Variants in NUP98 observed in about 807,000 individuals in gnomAD.
The protein encoded by NUP98 is nuclear pore complex protein Nup98-Nup96.
Under a neutral mutation model 191.9 loss-of-function variants are expected in NUP98, and 26 were observed. The ratio of observed to expected loss-of-function variants is 0.14; its 90% CI spans 0.10 to 0.19. NUP98 has a LOEUF of 0.19. Among genes scored for constraint, NUP98 ranks in the 10% least tolerant of loss-of-function variants. The pLI is 1.00. For missense variants in NUP98, 1,941 were observed against 2,178.8 expected (o/e 0.89, Z 2.17); for synonymous variants, 808 against 778.4 (o/e 1.04, Z -0.63).
In NUP98 at chr11:3,676,108, C is replaced by T. The variant is rs969937241; in HGVS notation, c.*51G>A. 6.4e-7 allele frequency: 1 copy of T among 1,555,158 alleles called. No homozygotes were observed. Among genetic ancestry groups the T allele is most frequent in the African/African-American group, 1.4e-5 (1 of 73,848 alleles). ...GTGCCAATCCAAACAAGGCAGGGAA[C>T]CTCTGTGTGGTGTGAATGGGCATGT... On this transcript the variant is annotated 3_prime_UTR_variant, in exon 33 of 33. Coordinates refer to ENST00000324932, the MANE Select transcript of NUP98 (RefSeq NM_016320.5).
intron 10 of NUP98, among the ~76,000 whole-genome samples, chr11:3,754,743 G>A (rs1366278727): frequency 6.6e-6 from 1 of 151,860 alleles, no homozygotes; most frequent in Non-Finnish European, 1.5e-5. Flanking sequence ...CAAGTTCAAC[G>A]CCAGTCTGGC....
At chr11:3,782,734 G>C (rs2133952750) in intron 1 of NUP98, among the ~76,000 whole-genome samples, 1 of 152,054 alleles carries the variant, frequency 6.6e-6, no homozygotes, top group African/African-American at 2.4e-5. Context: ...AGGAGAGACA[G>C]GGTTTCACCA....
At chr11:3,777,031 G>T (rs891974177) in intron 4 of NUP98, among the ~76,000 whole-genome samples, 1 of 152,036 alleles carries the variant, frequency 6.6e-6, no homozygotes, top group African/African-American at 2.4e-5. Flanking sequence ...TTCAAGAGTG[G>T]TCACAGTACA....
At chr11:3,676,843 GAA>G in intron 31 of NUP98, 6 of 634,056 alleles carry the variant, frequency 9.5e-6, no homozygotes, top group Non-Finnish European at 1.7e-5. Context: ...CTTGGACTAG[GAA>G]AAGTCTTGAG....
At chr11:3,709,164 T>C (rs775685298) in intron 20 of NUP98, among the ~76,000 whole-genome samples, 3 of 152,184 alleles carry the variant, frequency 2.0e-5, no homozygotes, top group Non-Finnish European at 4.4e-5. Context: ...TTTAAATAAT[T>C]CATACTGTCC....
rs145690654 is a variant in NUP98 at position 3,751,307 on chromosome 11, G to A, written c.1267+2009C>T. On this transcript the variant is annotated intron_variant, in intron 11 of 32. Coordinates refer to ENST00000324932, the MANE Select transcript of NUP98 (RefSeq NM_016320.5). ...CAGGAGGCGGAGGCTGCGGTGAGCC[G>A]AGATTGTGCCATTGCACTCCAGCCT... 1.2e-4 allele frequency among the ~76,000 whole-genome samples: 18 copies of A among 152,292 alleles called. No homozygotes were observed. In the East Asian group the frequency reaches 2.1e-3, roughly 18 times the overall value.
chr11:3,700,784 T>G lies in NUP98; in HGVS notation c.3568A>C (p.Lys1190Gln). The change falls in exon 24 of 33, where the codon AAG becomes CAG. Residue 1190 changes from lysine (K) to glutamine (Q), a missense_variant. Around this residue, in one of 6 missense-constraint regions of NUP98, gnomAD observed 1,030 missense variants for 1,115.8 expected, o/e 0.92. Coordinates refer to ENST00000324932, the MANE Select transcript of NUP98 (RefSeq NM_016320.5). ...HLEKLSLRQRKPDEDMKLYQT... is the reference protein window; with the variant it reads ...HLEKLSLRQRQPDEDMKLYQT... ...TATAATTTCATGTCTTCATCTGGCT[T>G]TCTTTGTCTCAAACTGAGTTTTTCT... is the stretch of plus-strand genomic sequence containing the variant. 1 of 1,614,184 alleles carries G rather than the reference T, an allele frequency of 6.2e-7. No individual in the cohort carries two copies. Among genetic ancestry groups the G allele is most frequent in the Non-Finnish European group, 8.5e-7 (1 of 1,180,022 alleles).
In NUP98 at chr11:3,679,613, A is replaced by G. The variant is rs1400980586; in HGVS notation, c.5014T>C (p.Ser1672Pro). The G allele has an allele frequency of 6.2e-7, 1 of 1,614,230 alleles. No homozygotes were observed. Among genetic ancestry groups the G allele is most frequent in the East Asian group, 2.2e-5 (1 of 44,890 alleles). The change falls in exon 31 of 33, where the codon TCT becomes CCT. Residue 1672 changes from serine (S) to proline (P), a missense_variant. Around this residue, in one of 6 missense-constraint regions of NUP98, gnomAD observed 1,030 missense variants for 1,115.8 expected, o/e 0.92. Coordinates refer to ENST00000324932, the MANE Select transcript of NUP98 (RefSeq NM_016320.5). ...RSSLIQDWETSGLVYLDYIRV... is the reference protein window; with the variant it reads ...RSSLIQDWETPGLVYLDYIRV... ...ATATAGTCCAGGTAAACAAGCCCAG[A>G]TGTTTCCCAATCCTGAATTAGGCTG... is the stretch of plus-strand genomic sequence containing the variant.
At chr11:3,787,786 G>C (rs1291482850) in intron 1 of NUP98, among the ~76,000 whole-genome samples, 1 of 152,098 alleles carries the variant, frequency 6.6e-6, no homozygotes, top group African/African-American at 2.4e-5. Context: ...GAGGTCAAGA[G>C]ATCGAGACCA....
At chr11:3,736,152 G>C (rs1318943164) in intron 12 of NUP98, among the ~76,000 whole-genome samples, 5 of 151,532 alleles carry the variant, frequency 3.3e-5, no homozygotes, top group Non-Finnish European at 7.4e-5. Flanking sequence ...GGCTGGTCTT[G>C]AACTCCTGAA....
In NUP98 at chr11:3,675,293, T is replaced by C. The variant is rs1030372823; in HGVS notation, c.*866A>G. On this transcript the variant is annotated 3_prime_UTR_variant, in exon 33 of 33. Transcript: ENST00000324932. ...CCATGCCTGCCTCAGTCATGGTTTG[T>C]TTTTGCTTCTGGAAGGGGTAGATGG... The C allele has an allele frequency of 3.7e-5, 8 of 217,048 alleles. No homozygotes were observed. The highest frequency in any genetic ancestry group is 1.6e-4 in the African/African-American group (7 of 44,354). The allele number at this position is 217,048 out of a possible 1,614,324, so 13.4% of individuals were successfully genotyped here.
chr11:3,684,962 C>T (rs1000145474), intron 29 of NUP98, among the ~76,000 whole-genome samples: 3 of 152,060 alleles, frequency 2.0e-5, no homozygotes, highest in Admixed American at 6.6e-5. Context: ...AGACTCTGGA[C>T]GAAAGTTGGA....
At position 3,784,620 on chromosome 11, in the gene NUP98, C is replaced by T. The variant is rs149799508; in HGVS notation, c.-28-2475G>A. On this transcript the variant is annotated intron_variant, in intron 1 of 32. Coordinates refer to ENST00000324932, the MANE Select transcript of NUP98 (RefSeq NM_016320.5). ...ACAAAAAAAAACAAAAAACATGGTG[C>T]ACACCTGTACGAAGCTCCAGCTACT... Among the ~76,000 whole-genome samples the T allele has an allele frequency of 4.3e-4, 65 of 149,878 alleles. 1 individual carries two copies. Among genetic ancestry groups the T allele is most frequent in the African/African-American group, 1.5e-3 (61 of 40,772 alleles).
chr11:3,695,249 C>T (rs999864188), intron 26 of NUP98, among the ~76,000 whole-genome samples, 200 bp downstream of exon 26: 1 of 152,178 alleles, frequency 6.6e-6, no homozygotes, highest in Non-Finnish European at 1.5e-5. Context: ...GGATATGATA[C>T]ATTTTAACAT....
chr11:3,695,934 G>A (rs1436173583), intron 25 of NUP98, among the ~76,000 whole-genome samples: 1 of 152,186 alleles, frequency 6.6e-6, no homozygotes, highest in African/African-American at 2.4e-5. Context: ...GCTAATGCCT[G>A]TAATCCCAGC....
At chr11:3,700,545 C>G (rs113948341) in intron 24 of NUP98, 65 bp downstream of exon 24, 1 of 1,156,340 alleles carries the variant, frequency 8.6e-7, no homozygotes, top group Middle Eastern at 2.3e-4. Context: ...TTCATCCTCC[C>G]GTGAACATAC....
At chr11:3,748,265 A>T (rs2080585074) in intron 11 of NUP98, among the ~76,000 whole-genome samples, 1 of 152,224 alleles carries the variant, frequency 6.6e-6, no homozygotes, top group Non-Finnish European at 1.5e-5. Flanking sequence ...AATTCTGATC[A>T]CATAAAAATA....
intron 8 of NUP98, among the ~76,000 whole-genome samples, chr11:3,766,874 T>C (rs2081357715): frequency 6.6e-6 from 1 of 152,198 alleles, no homozygotes; most frequent in Admixed American, 6.5e-5. Flanking sequence ...TTAAATTATA[T>C]TACCACAGTG....
intron 11 of NUP98, among the ~76,000 whole-genome samples, chr11:3,749,942 C>A (rs140078814): frequency 1.3e-5 from 2 of 152,140 alleles, no homozygotes; most frequent in Non-Finnish European, 2.9e-5. Flanking sequence ...CTGAAATATG[C>A]GTATATTCCA....
Sources: allele counts gnomAD v4.1 joint callset (sites outside exome capture counted in the v4.1 genomes callset), GRCh38; gene constraint gnomAD v4.1.1; regional missense constraint gnomAD v4.1.1; transcripts MANE v1.5; gene names NCBI Gene and HGNC (gene_info 2026-07-23, HGNC 2026-07-21).